The following RERE variants were observed in gnomAD, a reference collection of about 807,000 sequenced individuals.
RERE encodes arginine-glutamic acid dipeptide repeats protein.
RERE carries 40 observed loss-of-function variants against 146.1 expected under a neutral mutation model. The observed-to-expected ratio is 0.27, with a 90% CI of 0.21 to 0.36. The LOEUF (loss-of-function observed/expected upper bound fraction) is 0.36, where lower values mean the gene tolerates loss of function less well. RERE is among the 10% of genes least tolerant of loss of function. The pLI is 1.00. For synonymous variants in RERE, 1,003 were observed against 866.0 expected (o/e 1.16, Z -2.78); for missense variants, 1,933 against 2,138.7 (o/e 0.90, Z 1.90).
At chr1:8,441,454 G>T (rs1031091863) in intron 11 of RERE, among the ~76,000 whole-genome samples, 1 of 152,122 alleles carries the variant, frequency 6.6e-6, no homozygotes, top group Non-Finnish European at 1.5e-5. Flanking sequence ...CACTGCCCCA[G>T]GGGCACTGAA....
intron 11 of RERE, among the ~76,000 whole-genome samples, chr1:8,435,103 C>A (rs1218713700): frequency 1.3e-5 from 2 of 152,254 alleles, no homozygotes; most frequent in African/African-American, 4.8e-5. Flanking sequence ...CCACTAAAAA[C>A]TTTAACCTGT....
chr1:8,531,106 T>TGTCCATCCATCCATCC (rs1645646648), intron 7 of RERE, among the ~76,000 whole-genome samples: 1 of 149,840 alleles, frequency 6.7e-6, no homozygotes, highest in Non-Finnish European at 1.5e-5. Flanking sequence ...TCTATCTATC[T>TGTCCATCCATCCATCC]GTCCATCCAT....
intron 22 of RERE, 129 bp from the exon 23 acceptor site, chr1:8,355,249 C>T: frequency 8.6e-7 from 1 of 1,165,106 alleles, no homozygotes. Context: ...GTGTAGCTGA[C>T]CTACCCTCCC....
At chr1:8,514,279 T>C (rs1390452050) in intron 7 of RERE, among the ~76,000 whole-genome samples, 2 of 152,266 alleles carry the variant, frequency 1.3e-5, no homozygotes, top group Non-Finnish European at 2.9e-5. Flanking sequence ...CTGTCAGTTG[T>C]TCTTTCAAAG....
At chr1:8,795,926 G>C (rs948932939) in intron 1 of RERE, among the ~76,000 whole-genome samples, 22 of 145,112 alleles carry the variant, frequency 1.5e-4, no homozygotes, top group African/African-American at 5.4e-4. Context: ...AGGTTGTGGT[G>C]AGCCGCGATT....
intron 10 of RERE, among the ~76,000 whole-genome samples, chr1:8,478,793 G>A (rs1315896096): frequency 6.6e-6 from 1 of 152,184 alleles, no homozygotes; most frequent in Non-Finnish European, 1.5e-5. Flanking sequence ...GGTCACTAAT[G>A]AGCAACACCT....
intron 8 of RERE, among the ~76,000 whole-genome samples, chr1:8,502,372 T>C (rs1473612133): frequency 8.6e-6 from 1 of 116,112 alleles, no homozygotes; most frequent in African/African-American, 3.5e-5. Context: ...AGCCGCCCTA[T>C]CCAGGAGGTG....
intron 4 of RERE, among the ~76,000 whole-genome samples, chr1:8,587,929 T>C (rs1315312508): frequency 6.6e-6 from 1 of 152,250 alleles, no homozygotes; most frequent in Non-Finnish European, 1.5e-5. Flanking sequence ...GCAGGGTATG[T>C]TGGGACCCTG....
At chr1:8,465,392 A>T (rs995880359) in intron 11 of RERE, 1 of 253,210 alleles carries the variant, frequency 3.9e-6, no homozygotes, top group African/African-American at 2.2e-5. Flanking sequence ...AGCCCTATAA[A>T]AACAAGTCAC....
intron 4 of RERE, among the ~76,000 whole-genome samples, chr1:8,581,854 T>C (rs1176880789): frequency 2.6e-5 from 4 of 152,176 alleles, no homozygotes; most frequent in Admixed American, 2.0e-4. Context: ...AATATTAATA[T>C]ACCTCATATT....
rs772216165 is a variant in RERE at position 8,556,498 on chromosome 1, G to A, written c.702C>T (p.Asp234=). The part of the protein sequence containing the change: ...NRELFISDYV[D]TYHAAALRGK... ...ACCTAAGGGCAGCAGCATGGTAAGT[G>A]TCAACGTAATCAGAAATGAAGAGCT... The change falls in exon 6 of 23, where the codon GAC becomes GAT. Residue 234 remains aspartate (D), a synonymous_variant. Coordinates refer to ENST00000400908, the MANE Select transcript of RERE (RefSeq NM_001042681.2). The A allele has an allele frequency of 3.1e-6, 5 of 1,607,372 alleles. No individual in the cohort carries two copies. Among genetic ancestry groups the A allele is most frequent in the Admixed American group, 3.3e-5 (2 of 59,996 alleles).
intron 12 of RERE, among the ~76,000 whole-genome samples, chr1:8,377,093 T>TA (rs1289759465): frequency 1.8e-4 from 28 of 152,226 alleles, no homozygotes; most frequent in South Asian, 8.3e-4. Flanking sequence ...AATAAATAAA[T>TA]AACAGATTTG....
At chr1:8,703,303 G>C (rs1639495938) in intron 1 of RERE, 1 of 150,358 alleles carries the variant, frequency 6.7e-6, no homozygotes, top group Admixed American at 6.6e-5. Context: ...CCCGCGGCTA[G>C]GGAGGCGGCC....
intron 2 of RERE, among the ~76,000 whole-genome samples, chr1:8,652,871 C>T (rs1647698317): frequency 1.3e-5 from 2 of 152,112 alleles, no homozygotes; most frequent in South Asian, 4.1e-4. Flanking sequence ...TCACCACGCC[C>T]AGCTAATTTG....
In RERE at chr1:8,400,222, A is replaced by ATATGTGTGTGTGTGTGTGTGTGTGTG. The variant is rs368219880; in HGVS notation, c.1284+22504_1284+22505insCACACACACACACACACACACACATA. 3.1e-3 allele frequency among the ~76,000 whole-genome samples: 438 copies of ATATGTGTGTGTGTGTGTGTGTGTGTG among 140,136 alleles called. 3 individuals are homozygous for ATATGTGTGTGTGTGTGTGTGTGTGTG. The highest frequency in any genetic ancestry group is 6.1e-3 in the East Asian group (28 of 4,562). The allele number at this position is 140,136 out of a possible 152,430, so 91.9% of individuals were successfully genotyped here. ...CTCTTCCTTTCCATTCCTGTGTCAT[A>ATATGTGTGTGTGTGTGTGTGTGTGTG]TGTGTGTGTGTGTGTGTGTGTGTGT... On this transcript the variant is annotated intron_variant, in intron 12 of 22. Coordinates refer to ENST00000400908, the MANE Select transcript of RERE (RefSeq NM_001042681.2).
intron 10 of RERE, among the ~76,000 whole-genome samples, chr1:8,467,845 C>A (rs1644622471): frequency 6.6e-6 from 1 of 152,072 alleles, no homozygotes; most frequent in African/African-American, 2.4e-5. Flanking sequence ...GGGGTTTCAT[C>A]GTGTTAACCA....
rs538073056 is a variant in RERE at position 8,360,301 on chromosome 1, G to T, written c.3206C>A (p.Pro1069His). 1.3e-6 allele frequency: 2 copies of T among 1,548,954 alleles called. No homozygotes were observed. Among genetic ancestry groups the T allele is most frequent in the Non-Finnish European group, 1.7e-6 (2 of 1,146,612 alleles). ...TCCTGAAGCCGCCGCACCAGAGCAGGGTGGCTGGGCCGAGGTGCCAGGTCC... is the reference window on the plus strand; with the variant it reads ...TCCTGAAGCCGCCGCACCAGAGCAGTGTGGCTGGGCCGAGGTGCCAGGTCC... ...PAGPGTSAQP[P>H]CSGAAASGGS... Residue 1069 changes from proline (P) to histidine (H), a missense_variant, in exon 18 of 23, where the codon CCC (proline) becomes CAC (histidine). Around this residue, in one of 11 missense-constraint regions of RERE, gnomAD observed 1,255 missense variants for 1,153.8 expected, o/e 1.09. Transcript: ENST00000400908.
intron 12 of RERE, 63 bp downstream of exon 12, chr1:8,422,664 T>A: frequency 2.5e-6 from 3 of 1,203,124 alleles, no homozygotes; most frequent in South Asian, 2.4e-5. Context: ...TAAGATCAAA[T>A]GTGGAGAGGC....
chr1:8,501,797 C>T lies in RERE; in HGVS notation c.880-4268G>A, dbSNP rs556033271. Among the ~76,000 whole-genome samples, 148 of 126,950 alleles carry T rather than the reference C, an allele frequency of 1.2e-3. 1 individual carries two copies. The highest frequency in any genetic ancestry group is 4.2e-3 in the African/African-American group (144 of 33,974). The allele number at this position is 126,950 out of a possible 152,430, so 83.3% of individuals were successfully genotyped here. On this transcript the variant is annotated intron_variant, in intron 8 of 22. Transcript: ENST00000400908. ...CCCCCGCCTGGCCAGCCGCCCCGAC[C>T]GGGAGGTGAGGGGCGCCTCTGCCCG...
Sources: gnomAD v4.1 joint callset for allele counts (sites outside exome capture counted in the v4.1 genomes callset) on GRCh38, gnomAD v4.1.1 for gene constraint, gnomAD v4.1.1 regional missense constraint, MANE v1.5 for transcripts, NCBI Gene and HGNC (gene_info 2026-07-23, HGNC 2026-07-21) for gene names.